The following CMTM7 variants were observed in gnomAD, a reference collection of about 807,000 sequenced individuals.
The protein encoded by CMTM7 is CKLF like MARVEL transmembrane domain containing 7.
CMTM7 carries 7 observed loss-of-function variants against 19.3 expected under a neutral mutation model. The observed-to-expected ratio is 0.36, with a 90% CI of 0.21 to 0.68. The LOEUF is 0.68. Ranked by LOEUF, CMTM7 falls within the 30% of genes least tolerant of loss-of-function variation. The pLI is 0.60. For synonymous variants in CMTM7, 87 were observed against 99.3 expected (o/e 0.88, Z 0.74); for missense variants, 193 against 232.6 (o/e 0.83, Z 1.11).
chr3:32,452,096 C>CTT, intron 3 of CMTM7: 1 of 1,421,022 alleles, frequency 7.0e-7, no homozygotes, highest in Non-Finnish European at 9.3e-7. Flanking sequence ...TTAGCCCCAG[C>CTT]TTGCTTGTAA....
intron 1 of CMTM7, among the ~76,000 whole-genome samples, chr3:32,418,762 A>G (rs931574730): frequency 6.6e-6 from 1 of 152,196 alleles, no homozygotes; most frequent in African/African-American, 2.4e-5. Context: ...CTATTTGTCT[A>G]AGCTTTCACC....
At chr3:32,400,987 C>A (rs936068257) in intron 1 of CMTM7, among the ~76,000 whole-genome samples, 2 of 152,170 alleles carry the variant, frequency 1.3e-5, no homozygotes, top group Admixed American at 6.5e-5. Context: ...TGGCATAAAA[C>A]AATTCTCTAG....
intron 1 of CMTM7, among the ~76,000 whole-genome samples, chr3:32,440,205 A>G (rs781478902): frequency 1.3e-4 from 19 of 151,988 alleles, no homozygotes; most frequent in Non-Finnish European, 1.9e-4. Flanking sequence ...TCAGGAGTTT[A>G]AGACCAGTCT....
At chr3:32,451,901 G>A in intron 3 of CMTM7, 1 of 400,104 alleles carries the variant, frequency 2.5e-6, no homozygotes. Flanking sequence ...AAACCTAGAT[G>A]TAAAGGCCTC....
intron 2 of CMTM7, among the ~76,000 whole-genome samples, chr3:32,445,240 A>G (rs927599996): frequency 6.6e-6 from 1 of 152,236 alleles, no homozygotes; most frequent in Non-Finnish European, 1.5e-5. Flanking sequence ...TGACTAAATT[A>G]GACAAATATT....
At chr3:32,419,940 C>A (rs1040105209) in intron 1 of CMTM7, among the ~76,000 whole-genome samples, 4 of 152,044 alleles carry the variant, frequency 2.6e-5, no homozygotes, top group South Asian at 2.1e-4. Flanking sequence ...GGTTGGTGTT[C>A]TTTTGGGTTT....
intron 1 of CMTM7, among the ~76,000 whole-genome samples, chr3:32,414,155 A>T (rs763844067): frequency 1.3e-5 from 2 of 152,118 alleles, no homozygotes; most frequent in Non-Finnish European, 2.9e-5. Flanking sequence ...AATCTCTTGG[A>T]GAGCACTCCC....
At chr3:32,451,756 C>T (rs1305066896) in intron 3 of CMTM7, 5 of 238,372 alleles carry the variant, frequency 2.1e-5, no homozygotes, top group Non-Finnish European at 3.3e-5. Context: ...CTCCCAGCAC[C>T]CGAATCTCAT....
In CMTM7 at chr3:32,452,313, A is replaced by C. The variant is rs3732843; in HGVS notation, c.433-79A>C. ...CCAGAGACATGAAGGGAACAAGCACAGAGATGAGAAGCAGACAGGATTGCC... is the reference window on the plus strand; with the variant it reads ...CCAGAGACATGAAGGGAACAAGCACCGAGATGAGAAGCAGACAGGATTGCC... On this transcript the variant is annotated intron_variant, in intron 3 of 4. Transcript: ENST00000334983. 235 of 1,611,154 alleles carry C rather than the reference A, an allele frequency of 1.5e-4. 1 individual carries two copies. In the East Asian group the frequency reaches 5.2e-3, roughly 36 times the overall value.
intron 1 of CMTM7, among the ~76,000 whole-genome samples, chr3:32,424,663 G>T (rs796412427): frequency 2.6e-5 from 4 of 151,424 alleles, no homozygotes; most frequent in African/African-American, 9.7e-5. Flanking sequence ...CGGCTGGGGG[G>T]ATACATGGTC....
chr3:32,400,399 C>CTTTTTT (rs11425160), intron 1 of CMTM7, among the ~76,000 whole-genome samples: 2 of 116,572 alleles, frequency 1.7e-5, no homozygotes, highest in African/African-American at 3.5e-5. Flanking sequence ...TCTTCTTCTT[C>CTTTTTT]TTTTTTTTTT....
chr3:32,444,271 A>G lies in CMTM7; in HGVS notation c.333+2258A>G, dbSNP rs6550134. 3.2e-3 allele frequency among the ~76,000 whole-genome samples: 486 copies of G among 152,334 alleles called. 3 individuals are homozygous for G. Among genetic ancestry groups the G allele is most frequent in the African/African-American group, 8.6e-3 (357 of 41,574 alleles). Reference sequence around the variant, plus strand: ...TAAGGGTTCAATTTCATTCTATTGCATGTAGATATCCAATTATCCCAGCAT... The same window carrying G: ...TAAGGGTTCAATTTCATTCTATTGCGTGTAGATATCCAATTATCCCAGCAT... On this transcript the variant is annotated intron_variant, in intron 2 of 4. Coordinates refer to ENST00000334983, the MANE Select transcript of CMTM7 (RefSeq NM_138410.4).
chr3:32,425,927 C>T (rs1215918690), intron 1 of CMTM7, among the ~76,000 whole-genome samples: 4 of 152,132 alleles, frequency 2.6e-5, no homozygotes, highest in African/African-American at 9.7e-5. Context: ...GGGCGGATCA[C>T]CTGAAGTTGG....
At chr3:32,422,480 T>C (rs1270101256) in intron 1 of CMTM7, among the ~76,000 whole-genome samples, 1 of 152,242 alleles carries the variant, frequency 6.6e-6, no homozygotes, top group South Asian at 2.1e-4. Flanking sequence ...TTCCTTAGGA[T>C]TATCTTTGGC....
At chr3:32,409,445 T>A (rs959795671) in intron 1 of CMTM7, among the ~76,000 whole-genome samples, 1 of 152,192 alleles carries the variant, frequency 6.6e-6, no homozygotes, top group Non-Finnish European at 1.5e-5. Context: ...TGCAGTACAG[T>A]TACTTAAATC....
chr3:32,442,819 A>G (rs1458571686), intron 2 of CMTM7, among the ~76,000 whole-genome samples: 1 of 152,174 alleles, frequency 6.6e-6, no homozygotes, highest in Non-Finnish European at 1.5e-5. Flanking sequence ...GTACAATTCA[A>G]TGGAGTTTAG....
chr3:32,445,835 G>C (rs953781385), intron 2 of CMTM7, among the ~76,000 whole-genome samples: 2 of 152,078 alleles, frequency 1.3e-5, no homozygotes. Flanking sequence ...TGTATATGTT[G>C]GGCCAACCTT....
intron 1 of CMTM7, among the ~76,000 whole-genome samples, chr3:32,406,388 A>G (rs553973811): frequency 2.0e-5 from 3 of 152,274 alleles, no homozygotes; most frequent in East Asian, 1.9e-4. Flanking sequence ...CCTGCACCCA[A>G]TGTTGCATGC....
At chr3:32,399,177 A>T (rs1191736790) in intron 1 of CMTM7, among the ~76,000 whole-genome samples, 3 of 151,892 alleles carry the variant, frequency 2.0e-5, no homozygotes, top group Non-Finnish European at 4.4e-5. Flanking sequence ...GCAAAGCATC[A>T]TATCAACTCA....
Sources: gnomAD v4.1 joint callset for allele counts (sites outside exome capture counted in the v4.1 genomes callset) on GRCh38, gnomAD v4.1.1 for gene constraint, MANE v1.5 for transcripts, NCBI Gene and HGNC (gene_info 2026-07-23, HGNC 2026-07-21) for gene names.